CXXC5: variants seen among roughly 807,000 people sequenced by gnomAD.
CXXC5 encodes CXXC finger protein 5, also known as CXXC-type zinc finger protein 5.
CXXC5 carries 2 observed loss-of-function variants against 17.6 expected under a neutral mutation model. The observed-to-expected ratio is 0.11, with a 90% CI of 0.05 to 0.36. CXXC5 has a LOEUF of 0.36. Ranked by LOEUF, CXXC5 falls within the 10% of genes least tolerant of loss-of-function variation. The pLI, the probability that CXXC5 is intolerant of heterozygous loss-of-function variation, is 1.00. For missense variants in CXXC5, 343 were observed against 458.3 expected, an observed-to-expected ratio of 0.75 and a Z score of 2.30; for synonymous variants, 171 against 193.0, an observed-to-expected ratio of 0.89 and a Z score of 0.94.
intron 1 of CXXC5, among the ~76,000 whole-genome samples, chr5:139,666,884 T>A (rs944048145): frequency 6.6e-6 from 1 of 152,160 alleles, no homozygotes; most frequent in African/African-American, 2.4e-5. Flanking sequence ...GCCTGGTGCA[T>A]GTGTCAGAGG....
Position 139,681,306 on chromosome 5 carries a change from A to G in CXXC5, c.783A>G (p.Lys261=). 6.2e-7 allele frequency: 1 copy of G among 1,612,804 alleles called. No individual in the cohort carries two copies. The highest frequency in any genetic ancestry group is 8.5e-7 in the Non-Finnish European group (1 of 1,179,928). Residue 261 remains lysine, a synonymous_variant, in exon 2 of 3, where the codon AAA becomes AAG. Transcript: ENST00000302517. ...TCAGCTCCGGCAAGAAGAAGCGGAA[A>G]CGCTGCGGCATGTGCGCGCCCTGCC... is the stretch of plus-strand genomic sequence containing the variant. ...SAISSGKKKR[K]RCGMCAPCRR...
chr5:139,659,314 T>A (rs996682090), intron 1 of CXXC5, among the ~76,000 whole-genome samples: 2 of 152,108 alleles, frequency 1.3e-5, no homozygotes, highest in African/African-American at 2.4e-5. Context: ...AAATCCCAGC[T>A]GTTGTCAGGA....
intron 1 of CXXC5, among the ~76,000 whole-genome samples, chr5:139,656,415 C>CT (rs1228093330): frequency 3.3e-5 from 5 of 152,214 alleles, no homozygotes; most frequent in African/African-American, 1.2e-4. Context: ...CACAGGCACA[C>CT]ATATGTACGT....
chr5:139,665,372 A>T (rs1756052058), intron 1 of CXXC5, among the ~76,000 whole-genome samples: 1 of 152,198 alleles, frequency 6.6e-6, no homozygotes, highest in South Asian at 2.1e-4. Flanking sequence ...GGGCACCGGG[A>T]TGAGCTGGGC....
chr5:139,662,602 G>A (rs1755883662), intron 1 of CXXC5, among the ~76,000 whole-genome samples: 1 of 152,216 alleles, frequency 6.6e-6, no homozygotes, highest in Non-Finnish European at 1.5e-5. Flanking sequence ...TGGCTATAAG[G>A]ACTCAGGCCC....
intron 1 of CXXC5, among the ~76,000 whole-genome samples, chr5:139,675,229 G>A (rs1756713305): frequency 6.6e-6 from 1 of 152,208 alleles, no homozygotes; most frequent in Non-Finnish European, 1.5e-5. Flanking sequence ...AGAACATCCA[G>A]CTGTGGGCCA....
chr5:139,677,582 T>C (rs601336), intron 1 of CXXC5, among the ~76,000 whole-genome samples: 52,494 of 152,104 alleles, frequency 0.35, 9,514 homozygotes, highest in Middle Eastern at 0.45. Flanking sequence ...AGCCAGTCCC[T>C]CCGTGTACCC....
At chr5:139,675,919 G>C (rs1471891029) in intron 1 of CXXC5, among the ~76,000 whole-genome samples, 1 of 152,054 alleles carries the variant, frequency 6.6e-6, no homozygotes, top group Non-Finnish European at 1.5e-5. Flanking sequence ...TGGCTAGAAG[G>C]GGGCAGGCTC....
At chr5:139,666,754 T>C (rs1646654906) in intron 1 of CXXC5, among the ~76,000 whole-genome samples, 1 of 152,182 alleles carries the variant, frequency 6.6e-6, no homozygotes, top group Non-Finnish European at 1.5e-5. Context: ...CTTGAAGTGG[T>C]GCTGGCTCTG....
Position 139,665,329 on chromosome 5 carries a change from G to A in CXXC5, c.-160-15035G>A, listed in dbSNP as rs553315931. Among the ~76,000 whole-genome samples, 6 of 152,386 alleles carry A rather than the reference G, an allele frequency of 3.9e-5. No homozygotes were observed. The East Asian group carries it at 7.7e-4, about 20-fold the overall frequency. On this transcript the variant is annotated intron_variant, in intron 1 of 2. Coordinates refer to ENST00000302517, the MANE Select transcript of CXXC5 (RefSeq NM_016463.9). ...CTGCTACTGGGCCATGCCAAGACCC[G>A]CTGTGGTTTAGGGGCACCGGGGTGG...
At chr5:139,682,759 C>T in intron 2 of CXXC5, 104 bp from the exon 3 acceptor site, 1 of 1,206,686 alleles carries the variant, frequency 8.3e-7, no homozygotes, top group Non-Finnish European at 1.1e-6. Context: ...TCCTCCATGC[C>T]TGTCCCTCCG....
chr5:139,661,353 A>G lies in CXXC5; in HGVS notation c.-161+12508A>G, dbSNP rs1298692568. On this transcript the variant is annotated intron_variant, in intron 1 of 2. Transcript: ENST00000302517. The surrounding 1 kb of genome is among the most constrained non-coding windows in gnomAD (Gnocchi z 4.7). ...CACGCACCCCACACGCGGCACACCCAGGCACACACTTAGGACAGACACAGT... is the reference window on the plus strand; with the variant it reads ...CACGCACCCCACACGCGGCACACCCGGGCACACACTTAGGACAGACACAGT... Among the ~76,000 whole-genome samples the G allele has an allele frequency of 2.6e-5, 4 of 152,130 alleles. No homozygotes were observed. Among genetic ancestry groups the G allele is most frequent in the Admixed American group, 1.3e-4 (2 of 15,276 alleles).
At position 139,654,709 on chromosome 5, in the gene CXXC5, GGCACATGGTA is replaced by G. The variant is rs150111413; in HGVS notation, c.-161+5867_-161+5876del. On this transcript the variant is annotated intron_variant, in intron 1 of 2. Coordinates refer to ENST00000302517, the MANE Select transcript of CXXC5 (RefSeq NM_016463.9). ...ACTGATAATAGGACAGACCCCATGG[GGCACATGGTA>G]GCCTTCTCTGAGATGATGTGTGCAG... Among the ~76,000 whole-genome samples the G allele has an allele frequency of 2.8e-3, 430 of 152,312 alleles. 4 individuals carry two copies. The highest frequency in any genetic ancestry group is 8.7e-3 in the African/African-American group (363 of 41,556).
rs1756227945 is a variant in CXXC5 at position 139,668,318 on chromosome 5, G to A, written c.-160-12046G>A. Among the ~76,000 whole-genome samples, 1 of 152,112 alleles carries A rather than the reference G, an allele frequency of 6.6e-6. No homozygotes were observed. Among genetic ancestry groups the A allele is most frequent in the Non-Finnish European group, 1.5e-5 (1 of 67,988 alleles). On this transcript the variant is annotated intron_variant, in intron 1 of 2. Coordinates refer to ENST00000302517, the MANE Select transcript of CXXC5 (RefSeq NM_016463.9). The surrounding 1 kb of genome is among the most constrained non-coding windows in gnomAD (Gnocchi z 4.1). Reference sequence around the variant, plus strand: ...TCCTTGGCCCAGGCCTTCCCAGGCTGCCCGTCCCGCCGCGGCTCAGGGCGC... The same window carrying A: ...TCCTTGGCCCAGGCCTTCCCAGGCTACCCGTCCCGCCGCGGCTCAGGGCGC...
At chr5:139,669,059 C>T (rs1423588305) in intron 1 of CXXC5, among the ~76,000 whole-genome samples, 1 of 152,162 alleles carries the variant, frequency 6.6e-6, no homozygotes, top group Admixed American at 6.5e-5. Flanking sequence ...CAGTGGCCAG[C>T]CTGCTCGCTG....
chr5:139,682,898 G>A lies in CXXC5; in HGVS notation c.960G>A (p.Trp320Ter), dbSNP rs769442055. ...VMLPTGAAFR[W>*]FQ Reference sequence around the variant, plus strand: ...TTCCGACGGGAGCCGCCTTCCGGTGGTTTCAGTGACGGCGGCGGAACCCAA... The same window carrying A: ...TTCCGACGGGAGCCGCCTTCCGGTGATTTCAGTGACGGCGGCGGAACCCAA... The change falls in exon 3 of 3, where the codon TGG becomes TGA. Residue 320 changes from tryptophan (W) to a stop codon, truncating the protein, a stop_gained. Coordinates refer to ENST00000302517, the MANE Select transcript of CXXC5 (RefSeq NM_016463.9). LOFTEE classifies it high-confidence loss of function. The A allele has an allele frequency of 1.3e-6, 2 of 1,593,646 alleles. No individual in the cohort carries two copies. The highest frequency in any genetic ancestry group is 1.1e-5 in the South Asian group (1 of 88,110).
chr5:139,655,043 G>A (rs1755412261), intron 1 of CXXC5, among the ~76,000 whole-genome samples: 1 of 152,206 alleles, frequency 6.6e-6, no homozygotes, highest in South Asian at 2.1e-4. Flanking sequence ...TTCCCCAGGA[G>A]GTGCCGTGGC....
Position 139,682,870 on chromosome 5 carries a change from T to C in CXXC5, c.932T>C (p.Met311Thr). 1.3e-6 allele frequency: 2 copies of C among 1,595,492 alleles called. No homozygotes were observed. Among genetic ancestry groups the C allele is most frequent in the Non-Finnish European group, 1.7e-6 (2 of 1,170,972 alleles). The change falls in exon 3 of 3, where the codon ATG (methionine) becomes ACG (threonine). Residue 311 changes from methionine (M) to threonine (T), a missense_variant. Physicochemically the swap from Met to Thr is moderately conservative, Grantham distance 81 (BLOSUM62 -1). Around this residue, in one of 4 missense-constraint regions of CXXC5, gnomAD observed 23 missense variants for 31.0 expected, o/e 0.74. Transcript: ENST00000302517. ...GTCTCCCGCCCCCGCCAGAAGGTGA[T>C]GCTTCCGACGGGAGCCGCCTTCCGG... Reference protein sequence around the residue: ...KKPSAALEKVMLPTGAAFRWF... With the variant: ...KKPSAALEKVTLPTGAAFRWF...
chr5:139,680,146 A>G (rs935813014), intron 1 of CXXC5, among the ~76,000 whole-genome samples: 1 of 152,190 alleles, frequency 6.6e-6, no homozygotes, highest in African/African-American at 2.4e-5. Flanking sequence ...TCCCTCATCT[A>G]TAAAGTAGAT....
Sources: allele counts gnomAD v4.1 joint callset (sites outside exome capture counted in the v4.1 genomes callset), GRCh38; gene constraint gnomAD v4.1.1; regional missense constraint gnomAD v4.1.1; non-coding constraint Gnocchi (gnomAD v3.1); transcripts MANE v1.5; gene names NCBI Gene and HGNC (gene_info 2026-07-23, HGNC 2026-07-21).